Variants in CMSS1 observed in about 807,000 individuals in gnomAD.
CMSS1 encodes cms1 ribosomal small subunit homolog, also known as protein CMSS1.
CMSS1 carries 33 observed loss-of-function variants against 43.5 expected under a neutral mutation model. The ratio of observed to expected loss-of-function variants is 0.76; its 90% CI spans 0.57 to 1.01. The LOEUF is 1.01. Among genes scored for constraint, CMSS1 ranks in the 50% least tolerant of loss-of-function variants. CMSS1 has a pLI of 0.00. For missense variants in CMSS1, 313 were observed against 326.4 expected (o/e 0.96, Z 0.32); for synonymous variants, 115 against 117.2 (o/e 0.98, Z 0.12).
At chr3:100,165,575 G>A (rs2067059496) in intron 4 of CMSS1, among the ~76,000 whole-genome samples, 1 of 151,932 alleles carries the variant, frequency 6.6e-6, no homozygotes, top group Non-Finnish European at 1.5e-5. Flanking sequence ...GTAATTTTAT[G>A]CATATCTAGT....
At position 99,858,631 on chromosome 3, in the gene CMSS1, C is replaced by T. The variant is rs1944091998; in HGVS notation, c.64+40588C>T. On this transcript the variant is annotated intron_variant, in intron 1 of 9. Coordinates refer to ENST00000421999, the MANE Select transcript of CMSS1 (RefSeq NM_032359.4). ...AACTAATGTCTGGCTTAATTGAAGA[C>T]AGCTGTATCCTCAGATCTGTTTCAC... Among the ~76,000 whole-genome samples the T allele has an allele frequency of 4.6e-5, 7 of 152,168 alleles. No homozygotes were observed. In the South Asian group the frequency reaches 1.4e-3, roughly 31 times the overall value.
intron 1 of CMSS1, among the ~76,000 whole-genome samples, chr3:100,062,090 C>CTTTTTTTTT (rs2065577024): frequency 1.5e-5 from 1 of 67,880 alleles, no homozygotes; most frequent in Admixed American, 1.7e-4. Flanking sequence ...ATCCTGTCTT[C>CTTTTTTTTT]TTCTTTTTTT....
chr3:100,171,850 C>T lies in CMSS1; in HGVS notation c.530C>T (p.Ala177Val), dbSNP rs769348396. 1 of 1,613,810 alleles carries T rather than the reference C, an allele frequency of 6.2e-7. No homozygotes were observed. Among genetic ancestry groups the T allele is most frequent in the Admixed American group, 1.7e-5 (1 of 59,946 alleles). ...CTTCTTTTCATTAGGTCGATGACAG[C>T]ATTCAGAGGAGACGGCAAAGTTATA... is the stretch of plus-strand genomic sequence containing the variant. Reference protein sequence around the residue: ...RALELIRSMTAFRGDGKVIKL... With the variant: ...RALELIRSMTVFRGDGKVIKL... The change falls in exon 7 of 10, where the codon GCA becomes GTA. Residue 177 changes from alanine (A) to valine (V), a missense_variant. Ala to Val is a moderately conservative substitution (Grantham distance 64, BLOSUM62 0). Coordinates refer to ENST00000421999, the MANE Select transcript of CMSS1 (RefSeq NM_032359.4).
intron 1 of CMSS1, among the ~76,000 whole-genome samples, chr3:100,016,844 T>C (rs1050158511): frequency 6.6e-6 from 1 of 152,262 alleles, no homozygotes; most frequent in Non-Finnish European, 1.5e-5. Flanking sequence ...GATGCAGATT[T>C]CATGACATCT....
At chr3:99,925,608 G>C (rs1707267365) in intron 1 of CMSS1, among the ~76,000 whole-genome samples, 1 of 152,134 alleles carries the variant, frequency 6.6e-6, no homozygotes. Flanking sequence ...ACAAAAGTAG[G>C]GATTCAGAGA....
chr3:99,899,655 G>T (rs914230971), intron 1 of CMSS1, among the ~76,000 whole-genome samples: 37 of 152,148 alleles, frequency 2.4e-4, no homozygotes, highest in African/African-American at 8.2e-4. Context: ...CACTGTTCCT[G>T]AAATTGTTAT....
intron 1 of CMSS1, among the ~76,000 whole-genome samples, chr3:99,938,883 C>T (rs1559696505): frequency 1.3e-5 from 2 of 152,024 alleles, no homozygotes; most frequent in Non-Finnish European, 2.9e-5. Flanking sequence ...TTTGAAGACA[C>T]TAAACTCAGC....
At chr3:100,062,412 A>G (rs1267618275) in intron 1 of CMSS1, among the ~76,000 whole-genome samples, 1 of 151,876 alleles carries the variant, frequency 6.6e-6, no homozygotes, top group African/African-American at 2.4e-5. Flanking sequence ...CGCCCGGTCT[A>G]TCCTGTCTTC....
At chr3:100,078,939 A>C (rs2065892264) in intron 1 of CMSS1, among the ~76,000 whole-genome samples, 1 of 152,082 alleles carries the variant, frequency 6.6e-6, no homozygotes, top group Non-Finnish European at 1.5e-5. Flanking sequence ...TATTTTAAGA[A>C]AGTTCACTAA....
At chr3:99,850,741 T>C (rs1479038749) in intron 1 of CMSS1, 2 of 1,614,132 alleles carry the variant, frequency 1.2e-6, no homozygotes, top group Non-Finnish European at 1.7e-6. Context: ...ATTGGTGAGC[T>C]TCGCCATAAT....
intron 1 of CMSS1, among the ~76,000 whole-genome samples, chr3:100,057,375 TTATA>T (rs1395144984): frequency 6.6e-6 from 1 of 152,200 alleles, no homozygotes; most frequent in African/African-American, 2.4e-5. Context: ...CAAATACTCA[TTATA>T]TCATCAAGGA....
intron 1 of CMSS1, among the ~76,000 whole-genome samples, chr3:99,890,967 C>G (rs1469451867): frequency 6.6e-6 from 1 of 152,090 alleles, no homozygotes; most frequent in Non-Finnish European, 1.5e-5. Context: ...TCCATTTGTG[C>G]CAAATGCCAA....
intron 1 of CMSS1, among the ~76,000 whole-genome samples, chr3:100,118,437 C>T (rs2107489388): frequency 6.6e-6 from 1 of 152,156 alleles, no homozygotes; most frequent in African/African-American, 2.4e-5. Flanking sequence ...CCTGATCAGT[C>T]AGCTTTGAAA....
intron 1 of CMSS1, among the ~76,000 whole-genome samples, chr3:99,870,845 G>A (rs1944752815): frequency 6.6e-6 from 1 of 152,188 alleles, no homozygotes; most frequent in South Asian, 2.1e-4. Context: ...AGCCATTTGT[G>A]CCCCGTAAGT....
chr3:100,012,829 G>A (rs1194460652), intron 1 of CMSS1, among the ~76,000 whole-genome samples: 3 of 149,180 alleles, frequency 2.0e-5, no homozygotes, highest in Non-Finnish European at 4.4e-5. Context: ...CTGGAGTGCA[G>A]TAGCATGATC....
At chr3:99,995,005 C>T (rs1709634750) in intron 1 of CMSS1, among the ~76,000 whole-genome samples, 1 of 152,160 alleles carries the variant, frequency 6.6e-6, no homozygotes, top group Admixed American at 6.5e-5. Flanking sequence ...CTCCAAATCT[C>T]ATGTCCTCAC....
At chr3:100,048,296 T>C (rs533815878) in intron 1 of CMSS1, among the ~76,000 whole-genome samples, 53 of 152,372 alleles carry the variant, frequency 3.5e-4, no homozygotes, top group African/African-American at 1.3e-3. Context: ...AATTTGGTTA[T>C]GCTTTAGTCC....
chr3:99,840,665 A>C (rs1943094330), intron 1 of CMSS1, among the ~76,000 whole-genome samples: 1 of 152,200 alleles, frequency 6.6e-6, no homozygotes, highest in African/African-American at 2.4e-5. Context: ...TCCCAAAAGG[A>C]ATTTTAAATG....
chr3:100,015,552 T>A (rs1424885274), intron 1 of CMSS1, among the ~76,000 whole-genome samples: 6 of 152,234 alleles, frequency 3.9e-5, no homozygotes, highest in Non-Finnish European at 1.5e-5. Flanking sequence ...GGACAATATT[T>A]TTTACACATT....
Sources: gnomAD v4.1 joint callset for allele counts (sites outside exome capture counted in the v4.1 genomes callset) on GRCh38, gnomAD v4.1.1 for gene constraint, MANE v1.5 for transcripts, NCBI Gene and HGNC (gene_info 2026-07-23, HGNC 2026-07-21) for gene names.